Variants in CACNA1B observed in about 807,000 individuals in gnomAD.
The protein encoded by CACNA1B is calcium voltage-gated channel subunit alpha1 B.
A neutral mutation model predicts 247.2 loss-of-function variants in CACNA1B; 70 were observed. That is an observed-to-expected ratio of 0.28 (90% CI 0.23 to 0.35). The LOEUF is 0.35. CACNA1B is among the 10% of genes least tolerant of loss of function. CACNA1B has a pLI of 1.00. For missense variants in CACNA1B, 2,367 were observed against 3,197.4 expected (o/e 0.74, Z 6.26); for synonymous variants, 1,231 against 1,294.4 (o/e 0.95, Z 1.05).
chr9:138,080,415 A>G (rs1960488055), intron 36 of CACNA1B, among the ~76,000 whole-genome samples: 1 of 152,218 alleles, frequency 6.6e-6, no homozygotes, highest in Non-Finnish European at 1.5e-5. Flanking sequence ...GAGTGATGCC[A>G]TCGGTAAACA....
chr9:138,064,059 C>T (rs1469309484), intron 31 of CACNA1B, among the ~76,000 whole-genome samples: 1 of 152,160 alleles, frequency 6.6e-6, no homozygotes, highest in African/African-American at 2.4e-5. Context: ...GGGCCTGGGC[C>T]AGGGATTCAT....
intron 10 of CACNA1B, among the ~76,000 whole-genome samples, chr9:137,970,240 C>G (rs1958130522): frequency 6.6e-6 from 1 of 152,200 alleles, no homozygotes; most frequent in African/African-American, 2.4e-5. Flanking sequence ...TCAAAGCCCA[C>G]TGAGAGACCC....
rs911687366 is a variant in CACNA1B at position 137,990,823 on chromosome 9, C to T, written c.1974+3969C>T. Among the ~76,000 whole-genome samples the T allele has an allele frequency of 1.3e-5, 2 of 152,218 alleles. No individual in the cohort carries two copies. Among genetic ancestry groups the T allele is most frequent in the African/African-American group, 4.8e-5 (2 of 41,464 alleles). On this transcript the variant is annotated intron_variant, in intron 15 of 46. Coordinates refer to ENST00000371372, the MANE Select transcript of CACNA1B (RefSeq NM_000718.4). The surrounding 1 kb of genome is among the most constrained non-coding windows in gnomAD (Gnocchi z 4.5). ...GTACCAGCCTGAAGCCTGGTAGCTC[C>T]ACTGGGTGGGTAGACCTGCAAGAGC...
At chr9:138,029,041 T>G (rs886426762) in intron 20 of CACNA1B, among the ~76,000 whole-genome samples, 18 of 152,206 alleles carry the variant, frequency 1.2e-4, no homozygotes, top group Non-Finnish European at 2.4e-4. Flanking sequence ...TGAGAGTTGT[T>G]CCCCACATTA....
intron 20 of CACNA1B, among the ~76,000 whole-genome samples, chr9:138,027,288 T>C (rs1958932894): frequency 6.6e-6 from 1 of 152,218 alleles, no homozygotes; most frequent in Non-Finnish European, 1.5e-5. Flanking sequence ...TCCCTATTAT[T>C]ACTTCTACTA....
At chr9:138,047,110 T>C in intron 22 of CACNA1B, 77 bp downstream of exon 22, 4 of 1,407,356 alleles carry the variant, frequency 2.8e-6, no homozygotes, top group Non-Finnish European at 3.9e-6. Context: ...CCCAAGGGGC[T>C]GGGGTGGGGC....
chr9:137,967,307 A>T (rs79101368), intron 10 of CACNA1B, among the ~76,000 whole-genome samples: 2,035 of 152,242 alleles, frequency 0.013, 19 homozygotes, highest in East Asian at 0.047. Flanking sequence ...ATACCCAGTA[A>T]GTCACAGCCT....
intron 46 of CACNA1B, 64 bp downstream of exon 46, chr9:138,120,945 C>T: frequency 6.7e-7 from 1 of 1,499,396 alleles, no homozygotes; most frequent in South Asian, 1.3e-5. Flanking sequence ...ACCCCTGTCC[C>T]ACAGGCTCCT....
At chr9:137,926,492 A>G (rs977619663) in intron 6 of CACNA1B, among the ~76,000 whole-genome samples, 3 of 152,232 alleles carry the variant, frequency 2.0e-5, no homozygotes, top group Non-Finnish European at 4.4e-5. Context: ...TGCCATGAAC[A>G]TGGTTGTATA....
At chr9:138,111,164 C>G (rs1371710910) in intron 39 of CACNA1B, among the ~76,000 whole-genome samples, 1 of 152,190 alleles carries the variant, frequency 6.6e-6, no homozygotes, top group African/African-American at 2.4e-5. Flanking sequence ...AGCCATTGCA[C>G]TTAGGAAATG....
In CACNA1B at chr9:138,023,880, C is replaced by CT. The variant is rs1958886097; in HGVS notation, c.3068+70dup. 8.8e-6 allele frequency: 7 copies of CT among 791,230 alleles called. No homozygotes were observed. In the South Asian group the frequency reaches 1.0e-4, roughly 12 times the overall value. 49.0% of individuals were successfully genotyped at this position (791,230 alleles called of 1,614,324 possible). A position where few individuals can be genotyped will look rare whatever the true frequency, so the allele number is the denominator to read the frequency against. ...GGGGCGGCGCGGGCCCCAGCGGTGG[C>CT]TGCGGCCATGGGGTCCACGGCGGAG... On this transcript the variant is annotated intron_variant, in intron 19 of 46. Coordinates refer to ENST00000371372, the MANE Select transcript of CACNA1B (RefSeq NM_000718.4).
At chr9:137,966,437 C>T (rs1465432176) in intron 10 of CACNA1B, among the ~76,000 whole-genome samples, 1 of 151,846 alleles carries the variant, frequency 6.6e-6, no homozygotes, top group Non-Finnish European at 1.5e-5. Flanking sequence ...CCGTGTTAGC[C>T]AGGATGGTCT....
chr9:137,930,521 A>G (rs1957596521), intron 6 of CACNA1B, among the ~76,000 whole-genome samples: 1 of 152,192 alleles, frequency 6.6e-6, no homozygotes, highest in African/African-American at 2.4e-5. Context: ...AATATGGTCT[A>G]TTTTGATATT....
chr9:137,943,762 G>C (rs1326512542), intron 6 of CACNA1B, among the ~76,000 whole-genome samples: 3 of 152,176 alleles, frequency 2.0e-5, no homozygotes, highest in Admixed American at 1.3e-4. Flanking sequence ...CAGGCAGTTT[G>C]ATTCACAGCA....
chr9:138,035,588 C>CTCCCTCCT (rs1184296205), intron 20 of CACNA1B, among the ~76,000 whole-genome samples: 10 of 151,748 alleles, frequency 6.6e-5, no homozygotes, highest in Non-Finnish European at 1.0e-4. Context: ...CCTTCCCTCC[C>CTCCCTCCT]TCCCTCCTTC....
At chr9:137,901,551 G>T (rs535663566) in intron 3 of CACNA1B, among the ~76,000 whole-genome samples, 1 of 152,130 alleles carries the variant, frequency 6.6e-6, no homozygotes, top group Non-Finnish European at 1.5e-5. Flanking sequence ...TGGTGATACA[G>T]ATTGTCAGAG....
At position 137,971,723 on chromosome 9, in the gene CACNA1B, A is replaced by G; in HGVS notation, c.1543+131A>G. 5.4e-6 allele frequency: 4 copies of G among 734,938 alleles called. No homozygotes were observed. The highest frequency in any genetic ancestry group is 3.5e-5 in the South Asian group (2 of 56,394). 45.5% of individuals were successfully genotyped at this position (734,938 alleles called of 1,614,324 possible). On this transcript the variant is annotated intron_variant, in intron 11 of 46. Transcript: ENST00000371372. This position sits in a 1 kb window ranked among gnomAD's most constrained non-coding sequence, Gnocchi z 4.4. ...CCCCATGTTGCTCAAAGTATCCCAC[A>G]GCCCTAGTCAGCCTCCAGGAGCCTC...
At position 138,017,585 on chromosome 9, in the gene CACNA1B, C is replaced by T. The variant is rs2078382299; in HGVS notation, c.2267+4350C>T. Among the ~76,000 whole-genome samples, 3 of 152,340 alleles carry T rather than the reference C, an allele frequency of 2.0e-5. No individual in the cohort carries two copies. The South Asian group carries it at 6.2e-4, about 32-fold the overall frequency. On this transcript the variant is annotated intron_variant, in intron 18 of 46. Coordinates refer to ENST00000371372, the MANE Select transcript of CACNA1B (RefSeq NM_000718.4). ...CTGTGAGCAGGCACAGCAGAGAGTG[C>T]TCTTTAGGGGCTCACTGGGGACGTT...
chr9:138,104,489 C>T (rs1011674172), intron 38 of CACNA1B, among the ~76,000 whole-genome samples: 2 of 152,252 alleles, frequency 1.3e-5, no homozygotes, highest in Admixed American at 1.3e-4. Flanking sequence ...TCCTGTTGTG[C>T]TGCACACACA....
Sources: gnomAD v4.1 joint callset for allele counts (sites outside exome capture counted in the v4.1 genomes callset) on GRCh38, gnomAD v4.1.1 for gene constraint, Gnocchi (gnomAD v3.1) non-coding constraint, MANE v1.5 for transcripts, NCBI Gene and HGNC (gene_info 2026-07-23, HGNC 2026-07-21) for gene names.